The following CABLES1 variants were observed in gnomAD, a reference collection of about 807,000 sequenced individuals.
CABLES1 encodes the protein Cdk5 and Abl enzyme substrate 1.
A neutral mutation model predicts 57.8 loss-of-function variants in CABLES1; 36 were observed. The observed-to-expected ratio is 0.62, with a 90% confidence interval of 0.48 to 0.82. CABLES1 has a LOEUF of 0.82. Among genes scored for constraint, CABLES1 ranks in the 40% least tolerant of loss-of-function variants. CABLES1 has a pLI of 0.00. For missense variants in CABLES1, 767 were observed against 836.6 expected (o/e 0.92, Z 1.03); for synonymous variants, 374 against 363.0 (o/e 1.03, Z -0.35).
chr18:23,232,813 G>A (rs1325627355), intron 4 of CABLES1, among the ~76,000 whole-genome samples: 3 of 152,100 alleles, frequency 2.0e-5, no homozygotes, highest in Admixed American at 6.5e-5. Flanking sequence ...TAAGGGAGCC[G>A]GCTCATTCAT....
chr18:23,246,174 G>C (rs1362231762), intron 7 of CABLES1, among the ~76,000 whole-genome samples: 4 of 151,658 alleles, frequency 2.6e-5, no homozygotes. Context: ...TGAGGCAAAA[G>C]AATCGCTTGA....
intron 1 of CABLES1, among the ~76,000 whole-genome samples, chr18:23,164,877 T>C (rs1404178187): frequency 1.3e-5 from 2 of 152,138 alleles, no homozygotes; most frequent in African/African-American, 4.8e-5. Context: ...GTTCCAGTGA[T>C]TCTCCTGCCT....
At chr18:23,235,758 C>T (rs2047602633) in intron 5 of CABLES1, 137 bp from the exon 6 acceptor site, 1 of 907,816 alleles carries the variant, frequency 1.1e-6, no homozygotes, top group Non-Finnish European at 1.7e-6. Context: ...TTTCATTTTT[C>T]AGATCTCATT....
chr18:23,160,075 T>A (rs1378118370), intron 1 of CABLES1, among the ~76,000 whole-genome samples: 1 of 151,546 alleles, frequency 6.6e-6, no homozygotes, highest in East Asian at 1.9e-4. Flanking sequence ...TTTCACTCTG[T>A]CACCCAGGTT....
intron 1 of CABLES1, among the ~76,000 whole-genome samples, chr18:23,174,519 T>G (rs1258710501): frequency 6.6e-6 from 1 of 151,744 alleles, no homozygotes; most frequent in Non-Finnish European, 1.5e-5. Context: ...TCGCCCAGGC[T>G]GGAGTGCAGT....
At chr18:23,139,324 A>G (rs1367415420) in intron 1 of CABLES1, among the ~76,000 whole-genome samples, 1 of 147,772 alleles carries the variant, frequency 6.8e-6, no homozygotes, top group Non-Finnish European at 1.5e-5. Flanking sequence ...AATTGCTTGA[A>G]CCCAGGAGGC....
chr18:23,135,951 G>T lies in CABLES1; in HGVS notation c.189G>T (p.Gln63His), dbSNP rs868418126. Residue 63 changes from glutamine to histidine, a missense_variant, in exon 1 of 10, where the codon CAG becomes CAT. Physicochemically the swap from Gln to His is conservative, Grantham distance 24. Transcript: ENST00000256925. ...CGCGCATGGACCCGCGGCGCCGCCA[G>T]GCTGCCCTCTCCTTCCTCACCAACA... Reference protein sequence around the residue: ...RKPRMDPRRRQAALSFLTNIS... With the variant: ...RKPRMDPRRRHAALSFLTNIS... 1 of 1,136,570 alleles carries T rather than the reference G, an allele frequency of 8.8e-7. No homozygotes were observed. The highest frequency in any genetic ancestry group is 5.0e-5 in the East Asian group (1 of 20,044). 70.4% of individuals were successfully genotyped at this position (1,136,570 alleles called of 1,614,324 possible). A position where few individuals can be genotyped will look rare whatever the true frequency, so the allele number is the denominator to read the frequency against.
intron 7 of CABLES1, among the ~76,000 whole-genome samples, chr18:23,248,599 G>A (rs189481418): frequency 0.013 from 1,934 of 150,730 alleles, 12 homozygotes; most frequent in Middle Eastern, 0.024. Context: ...AGGCCGAGGC[G>A]GGTGGATCAC....
chr18:23,142,404 T>G (rs1219432446), intron 1 of CABLES1, among the ~76,000 whole-genome samples: 1 of 152,128 alleles, frequency 6.6e-6, no homozygotes, highest in Non-Finnish European at 1.5e-5. Flanking sequence ...CAGATGAAAC[T>G]ACCCTCACAC....
At chr18:23,189,115 T>C in intron 2 of CABLES1, 2 of 515,846 alleles carry the variant, frequency 3.9e-6, no homozygotes, top group Non-Finnish European at 6.9e-6. Context: ...GGTGTTGGAG[T>C]AGCCCAATTT....
chr18:23,230,303 C>T (rs8096528), intron 4 of CABLES1, among the ~76,000 whole-genome samples: 29 of 152,144 alleles, frequency 1.9e-4, no homozygotes, highest in Admixed American at 1.3e-3. Flanking sequence ...ACCCAGGAGG[C>T]GGAGCTTGCA....
At chr18:23,224,844 C>T (rs986200814) in intron 4 of CABLES1, among the ~76,000 whole-genome samples, 1 of 152,186 alleles carries the variant, frequency 6.6e-6, no homozygotes, top group East Asian at 1.9e-4. Context: ...ACTGGGATTA[C>T]AGGCGTGAGC....
rs552740352 is a variant in CABLES1 at position 23,217,215 on chromosome 18, A to G, written c.1088+3161A>G. ...ACCTGCCTCAGTCTCCCAAGTAGCT[A>G]GGACTACAGTCGCGCGCCACCACAC... On this transcript the variant is annotated intron_variant, in intron 4 of 9. Transcript: ENST00000256925. 1.8e-3 allele frequency among the ~76,000 whole-genome samples: 268 copies of G among 152,082 alleles called. 1 individual carries two copies. The highest frequency in any genetic ancestry group is 6.1e-3 in the African/African-American group (254 of 41,472).
intron 2 of CABLES1, 106 bp from the exon 3 acceptor site, chr18:23,194,342 G>T: frequency 2.9e-6 from 2 of 685,702 alleles, no homozygotes; most frequent in South Asian, 3.5e-5. Flanking sequence ...CTGCTTTGGG[G>T]TGACTCAAGC....
chr18:23,238,111 T>C (rs866389133), intron 7 of CABLES1, among the ~76,000 whole-genome samples: 14 of 152,242 alleles, frequency 9.2e-5, no homozygotes, highest in African/African-American at 3.4e-4. Flanking sequence ...GTTCCCTCCC[T>C]CCTGTGCTCC....
intron 9 of CABLES1, among the ~76,000 whole-genome samples, chr18:23,256,330 T>C (rs2048165057): frequency 6.6e-6 from 1 of 152,208 alleles, no homozygotes; most frequent in African/African-American, 2.4e-5. Flanking sequence ...CAGCCCTGTT[T>C]AGATACACAG....
intron 1 of CABLES1, among the ~76,000 whole-genome samples, chr18:23,141,290 C>G (rs1417143704): frequency 1.3e-5 from 2 of 152,220 alleles, no homozygotes; most frequent in African/African-American, 4.8e-5. Context: ...TGCATTGCCC[C>G]TCTTTGGAGG....
chr18:23,214,073 GCTTTGTAGTT>G lies in CABLES1; in HGVS notation c.1088+22_1088+31del, dbSNP rs1247851897. 4.5e-6 allele frequency: 7 copies of G among 1,555,120 alleles called. No individual in the cohort carries two copies. Among genetic ancestry groups the G allele is most frequent in the Non-Finnish European group, 6.2e-6 (7 of 1,132,490 alleles). On this transcript the variant is annotated intron_variant, in intron 4 of 9. Transcript: ENST00000256925. ...AAGTCGGGTATGTATATGCATGCAT[GCTTTGTAGTT>G]CTCTGGGTGAAAAGATCTCACACCA...
intron 1 of CABLES1, among the ~76,000 whole-genome samples, chr18:23,148,085 A>G (rs7237942): frequency 0.79 from 119,076 of 150,234 alleles, 47,211 homozygotes; most frequent in Middle Eastern, 0.89. Flanking sequence ...CGCCTCCTGG[A>G]TTCACGCCAT....
Sources: allele counts gnomAD v4.1 joint callset (sites outside exome capture counted in the v4.1 genomes callset), GRCh38; gene constraint gnomAD v4.1.1; transcripts MANE v1.5; gene names NCBI Gene and HGNC (gene_info 2026-07-23, HGNC 2026-07-21).